PPP2R5C: variants seen among roughly 807,000 people sequenced by gnomAD.
PPP2R5C encodes protein phosphatase 2 regulatory subunit B'gamma.
PPP2R5C carries 7 observed loss-of-function variants against 68.9 expected under a neutral mutation model. That is an observed-to-expected ratio of 0.10 (90% CI 0.06 to 0.19). The LOEUF is 0.19. Ranked by LOEUF, PPP2R5C falls within the 10% of genes least tolerant of loss-of-function variation. The probability of loss-of-function intolerance (pLI) is 1.00; values close to 1 mark genes in which losing one functional copy is unlikely to be tolerated. For missense variants in PPP2R5C, 348 were observed against 641.3 expected (o/e 0.54, Z 4.94); for synonymous variants, 210 against 222.2 (o/e 0.95, Z 0.49).
intron 7 of PPP2R5C, among the ~76,000 whole-genome samples, chr14:101,893,490 G>T (rs952788938): frequency 6.6e-6 from 1 of 152,134 alleles, no homozygotes. Context: ...AAATAAAGCT[G>T]CCTATAATCC....
At chr14:101,866,387 A>G (rs2043067825) in intron 2 of PPP2R5C, among the ~76,000 whole-genome samples, 1 of 152,274 alleles carries the variant, frequency 6.6e-6, no homozygotes, top group Non-Finnish European at 1.5e-5. Context: ...TACTCTACAG[A>G]GTACGGTGAC....
At chr14:101,846,826 A>T (rs997260268) in intron 1 of PPP2R5C, among the ~76,000 whole-genome samples, 4 of 152,188 alleles carry the variant, frequency 2.6e-5, no homozygotes, top group African/African-American at 9.7e-5. Flanking sequence ...CAGTTCACCC[A>T]TGTCTCTCCT....
intron 3 of PPP2R5C, among the ~76,000 whole-genome samples, chr14:101,803,506 C>T (rs2038954233): frequency 1.3e-5 from 2 of 152,176 alleles, no homozygotes; most frequent in East Asian, 1.9e-4. Flanking sequence ...AGGTGGATCA[C>T]GAGGTCAGGC....
chr14:101,927,304 C>T (rs961837415), exon 14 of PPP2R5C: 1 of 152,428 alleles, frequency 6.6e-6, no homozygotes, highest in Admixed American at 6.5e-5. Flanking sequence ...AAGACAAACA[C>T]TCACCAAAAA....
chr14:101,825,250 T>TGTGTG lies in PPP2R5C; in HGVS notation c.94+15215_94+15216insTGTGG, dbSNP rs2040328685. Among the ~76,000 whole-genome samples the TGTGTG allele has an allele frequency of 1.0e-5, 1 of 100,118 alleles. No homozygotes were observed. Among genetic ancestry groups the TGTGTG allele is most frequent in the African/African-American group, 4.9e-5 (1 of 20,438 alleles). The allele number at this position is 100,118 out of a possible 152,430, so 65.7% of individuals were successfully genotyped here. ...TGTGTGTGTGTGTGTGTGTGTGTGT[T>TGTGTG]GATGAATTTATTACTTATTAAAAAA... On this transcript the variant is annotated intron_variant, in intron 1 of 13. Coordinates refer to ENST00000334743, the Ensembl canonical transcript of PPP2R5C. This position sits in a 1 kb window ranked among gnomAD's most constrained non-coding sequence, Gnocchi z 4.0.
At chr14:101,896,992 C>A (rs1241733528) in intron 8 of PPP2R5C, among the ~76,000 whole-genome samples, 1 of 151,922 alleles carries the variant, frequency 6.6e-6, no homozygotes, top group Admixed American at 6.6e-5. Flanking sequence ...ATTTCACCCA[C>A]AAAATTCAAG....
chr14:101,922,001 A>G, intron 13 of PPP2R5C: 1 of 985,450 alleles, frequency 1.0e-6, no homozygotes, highest in Non-Finnish European at 1.2e-6. Flanking sequence ...GGAGAAAAGC[A>G]GTGTCAACCA....
At chr14:101,847,142 C>A (rs2041874780) in intron 1 of PPP2R5C, among the ~76,000 whole-genome samples, 1 of 152,184 alleles carries the variant, frequency 6.6e-6, no homozygotes, top group Non-Finnish European at 1.5e-5. Context: ...CAGCAGACAT[C>A]TGTGGTCCCA....
Position 101,925,369 on chromosome 14 carries a change from A to G in PPP2R5C, c.*97A>G, listed in dbSNP as rs1409776818. On this transcript the variant is annotated 3_prime_UTR_variant, in exon 14 of 14. Coordinates refer to ENST00000334743, the Ensembl canonical transcript of PPP2R5C. ...GTGCCATACCAATCAGTTACACTCA[A>G]AGCTTTCTTGGACCCCGTTCCGTAG... 4.0e-6 allele frequency: 6 copies of G among 1,502,842 alleles called. No homozygotes were observed. In the Admixed American group the frequency reaches 1.4e-4, roughly 35 times the overall value. The allele number at this position is 1,502,842 out of a possible 1,614,324, so 93.1% of individuals were successfully genotyped here.
At chr14:101,780,619 G>A (rs185315910) in intron 2 of PPP2R5C, among the ~76,000 whole-genome samples, 8 of 152,198 alleles carry the variant, frequency 5.3e-5, no homozygotes, top group East Asian at 1.9e-4. Context: ...CGTCCAGATC[G>A]CTTTGCTTTT....
intron 1 of PPP2R5C, among the ~76,000 whole-genome samples, chr14:101,855,568 G>C (rs1174356662): frequency 6.6e-6 from 1 of 152,206 alleles, no homozygotes; most frequent in Non-Finnish European, 1.5e-5. Flanking sequence ...TTTTGCCCTT[G>C]AATGGTGTTA....
At chr14:101,848,222 G>A (rs2041955216) in intron 1 of PPP2R5C, among the ~76,000 whole-genome samples, 2 of 152,122 alleles carry the variant, frequency 1.3e-5, no homozygotes, top group Non-Finnish European at 2.9e-5. Flanking sequence ...GACACACTAT[G>A]TAGAGGAACG....
chr14:101,868,549 T>G (rs944168373), intron 2 of PPP2R5C, among the ~76,000 whole-genome samples: 1 of 152,242 alleles, frequency 6.6e-6, no homozygotes, highest in Non-Finnish European at 1.5e-5. Flanking sequence ...ATATGATTGT[T>G]TCACAGATAT....
At chr14:101,800,548 G>A (rs2038814569) in intron 3 of PPP2R5C, among the ~76,000 whole-genome samples, 2 of 150,692 alleles carry the variant, frequency 1.3e-5, no homozygotes, top group African/African-American at 4.9e-5. Context: ...GGGCAACAGA[G>A]CAAGACTCTA....
chr14:101,795,288 A>AT (rs2038555859), intron 3 of PPP2R5C, among the ~76,000 whole-genome samples: 1 of 152,240 alleles, frequency 6.6e-6, no homozygotes, highest in Non-Finnish European at 1.5e-5. Context: ...GTAGCACCAC[A>AT]TACAGAGTAT....
At chr14:101,765,547 A>G (rs1229412183) in intron 2 of PPP2R5C, 1 of 281,054 alleles carries the variant, frequency 3.6e-6, no homozygotes, top group African/African-American at 2.2e-5. Flanking sequence ...TAGGCTTGAC[A>G]TTCCCATGCT....
At position 101,781,853 on chromosome 14, in the gene PPP2R5C, T is replaced by C. The variant is rs2037713698; in HGVS notation, c.94-4165T>C. Among the ~76,000 whole-genome samples the C allele has an allele frequency of 6.6e-6, 1 of 151,694 alleles. No individual in the cohort carries two copies. The highest frequency in any genetic ancestry group is 2.1e-4 in the South Asian group (1 of 4,816). ...TCTCGGGGGCTTCATCCTCCAGCCG[T>C]GGCCGTGGCCGTGGCCAGGTGTACC... On this transcript the variant is annotated intron_variant, in intron 2 of 14. Transcript: ENST00000328724. The surrounding 1 kb of genome is among the most constrained non-coding windows in gnomAD (Gnocchi z 6.4).
At chr14:101,765,433 T>G (rs1247136675) in intron 2 of PPP2R5C, 3 of 597,426 alleles carry the variant, frequency 5.0e-6, no homozygotes, top group Admixed American at 2.9e-5. Context: ...TTACCAAATA[T>G]GATTGACTCA....
chr14:101,866,626 C>T (rs1259436727), intron 2 of PPP2R5C, among the ~76,000 whole-genome samples: 9 of 151,782 alleles, frequency 5.9e-5, no homozygotes, highest in Non-Finnish European at 1.2e-4. Flanking sequence ...GCCAAGATCA[C>T]GCTACTGTGC....
Sources: allele counts gnomAD v4.1 joint callset (sites outside exome capture counted in the v4.1 genomes callset), GRCh38; gene constraint gnomAD v4.1.1; non-coding constraint Gnocchi (gnomAD v3.1); transcripts MANE v1.5; gene names NCBI Gene and HGNC (gene_info 2026-07-23, HGNC 2026-07-21).